Variants in GREB1 observed in about 807,000 individuals in gnomAD.
The protein encoded by GREB1 is protein GREB1.
Under a neutral mutation model 200.7 loss-of-function variants are expected in GREB1, and 106 were observed. The ratio of observed to expected loss-of-function variants is 0.53; its 90% CI spans 0.45 to 0.62. GREB1 has a LOEUF of 0.62. Ranked by LOEUF, GREB1 falls within the 20% of genes least tolerant of loss-of-function variation. The probability of loss-of-function intolerance (pLI) is 0.00; values close to 1 mark genes in which losing one functional copy is unlikely to be tolerated. For missense variants in GREB1, 2,243 were observed against 2,556.8 expected (o/e 0.88, Z 2.65); for synonymous variants, 1,132 against 1,092.4 (o/e 1.04, Z -0.72).
intron 11 of GREB1, among the ~76,000 whole-genome samples, chr2:11,594,916 G>A (rs1003644788): frequency 2.0e-5 from 3 of 151,478 alleles, no homozygotes; most frequent in South Asian, 4.2e-4. Context: ...GGATGGTCTC[G>A]ATCTCCTGAC....
chr2:11,570,159 A>G (rs1458315800), intron 4 of GREB1, among the ~76,000 whole-genome samples: 2 of 152,152 alleles, frequency 1.3e-5, no homozygotes, highest in African/African-American at 4.8e-5. Flanking sequence ...CTGTAATCCC[A>G]GTACTTTGGG....
intron 1 of GREB1, among the ~76,000 whole-genome samples, chr2:11,507,904 AT>A (rs1457294441): frequency 1.3e-5 from 2 of 152,210 alleles, no homozygotes; most frequent in African/African-American, 4.8e-5. Context: ...TTAACTGAGG[AT>A]TCTGGACCTT....
intron 11 of GREB1, among the ~76,000 whole-genome samples, chr2:11,594,911 G>T (rs537926065): frequency 5.9e-5 from 9 of 151,770 alleles, no homozygotes; most frequent in Admixed American, 5.2e-4. Flanking sequence ...AGCCAGGATG[G>T]TCTCGATCTC....
chr2:11,532,686 T>C (rs1418744748), upstream of GREB1, among the ~76,000 whole-genome samples: 1 of 152,164 alleles, frequency 6.6e-6, no homozygotes, highest in Non-Finnish European at 1.5e-5. Context: ...AGCAGCATGT[T>C]TGGGTCTGTG....
At chr2:11,632,271 C>G (rs749592569) in intron 27 of GREB1, among the ~76,000 whole-genome samples, 158 bp downstream of exon 27, 2 of 152,002 alleles carry the variant, frequency 1.3e-5, no homozygotes, top group Non-Finnish European at 2.9e-5. Context: ...TGCAGTCTTC[C>G]CCCGCTACCC....
chr2:11,609,291 G>C (rs1391337932), intron 17 of GREB1, among the ~76,000 whole-genome samples: 1 of 132,906 alleles, frequency 7.5e-6, no homozygotes, highest in African/African-American at 2.8e-5. Context: ...TAGAGATGGA[G>C]TCTCGCTCTG....
chr2:11,528,614 G>A (rs997370728), intron 1 of GREB1, among the ~76,000 whole-genome samples: 1 of 152,088 alleles, frequency 6.6e-6, no homozygotes, highest in Non-Finnish European at 1.5e-5. Context: ...CAACCCTCCT[G>A]CCTCAGCCTC....
chr2:11,590,907 G>A (rs931816556), intron 10 of GREB1, among the ~76,000 whole-genome samples: 4 of 152,224 alleles, frequency 2.6e-5, no homozygotes, highest in Non-Finnish European at 5.9e-5. Flanking sequence ...CTGTGCCAGT[G>A]TGGCCGGGAG....
At chr2:11,617,364 G>A (rs1006886950) in intron 21 of GREB1, among the ~76,000 whole-genome samples, 1 of 152,186 alleles carries the variant, frequency 6.6e-6, no homozygotes. Context: ...CTGTCTTTCC[G>A]CCAAAAGCAT....
At chr2:11,571,432 CT>C (rs1332005472) in intron 4 of GREB1, among the ~76,000 whole-genome samples, 8 of 152,230 alleles carry the variant, frequency 5.3e-5, no homozygotes, top group African/African-American at 1.9e-4. Context: ...CCAGTCCCAT[CT>C]TGGCAGAGAA....
intron 22 of GREB1, among the ~76,000 whole-genome samples, chr2:11,619,287 C>G (rs1441094935): frequency 6.6e-6 from 1 of 152,202 alleles, no homozygotes; most frequent in Non-Finnish European, 1.5e-5. Flanking sequence ...GAACGGAGAA[C>G]TAGGGGTTCT....
chr2:11,639,473 C>G (rs951697572), intron 32 of GREB1, among the ~76,000 whole-genome samples: 2 of 152,238 alleles, frequency 1.3e-5, no homozygotes, highest in African/African-American at 4.8e-5. Flanking sequence ...GAGTCTTTCT[C>G]CTCATCCTGG....
intron 1 of GREB1, among the ~76,000 whole-genome samples, chr2:11,526,650 G>A (rs991183987): frequency 2.6e-5 from 4 of 151,626 alleles, no homozygotes; most frequent in African/African-American, 9.7e-5. Flanking sequence ...CTGCCTCCCA[G>A]GTTCAAGTGA....
intron 30 of GREB1, 152 bp from the exon 31 acceptor site, chr2:11,637,564 A>T (rs3749065): frequency 0.15 from 96,411 of 634,408 alleles, 8,131 homozygotes; most frequent in Non-Finnish European, 0.18. Flanking sequence ...ATCTTTCTCA[A>T]TAGAGAAGTT....
chr2:11,596,360 G>T lies in GREB1; in HGVS notation c.1954+121G>T. 8 of 778,092 alleles carry T rather than the reference G, an allele frequency of 1.0e-5. 1 individual carries two copies. The highest frequency in any genetic ancestry group is 1.4e-5 in the Non-Finnish European group (7 of 490,638). The allele number at this position is 778,092 out of a possible 1,614,324, so 48.2% of individuals were successfully genotyped here. A position where few individuals can be genotyped will look rare whatever the true frequency, so the allele number is the denominator to read the frequency against. ...CATGGCGCAAGTGTGCACAGTGAGG[G>T]GGCAGGGGCACAGATGTGTATAGTG... is the stretch of plus-strand genomic sequence containing the variant. On this transcript the variant is annotated intron_variant, in intron 13 of 32. Transcript: ENST00000381486.
In GREB1 at chr2:11,580,892, G is replaced by A. The variant is rs1486648077; in HGVS notation, c.901+60G>A. ...TGCTCTTCTTTGGGCCAAGGCCAGAGGGGGCATGGGAGCTGCTGGGCTGGG... is the reference window on the plus strand; with the variant it reads ...TGCTCTTCTTTGGGCCAAGGCCAGAAGGGGCATGGGAGCTGCTGGGCTGGG... On this transcript the variant is annotated intron_variant, in intron 7 of 32. Coordinates refer to ENST00000381486, the MANE Select transcript of GREB1 (RefSeq NM_014668.4). This position sits in a 1 kb window ranked among gnomAD's most constrained non-coding sequence, Gnocchi z 4.5. 6.2e-7 allele frequency: 1 copy of A among 1,605,850 alleles called. No homozygotes were observed. The highest frequency in any genetic ancestry group is 2.2e-5 in the East Asian group (1 of 44,752).
At chr2:11,528,399 G>T (rs752352803) in intron 1 of GREB1, among the ~76,000 whole-genome samples, 1 of 152,174 alleles carries the variant, frequency 6.6e-6, no homozygotes, top group Admixed American at 6.5e-5. Context: ...TCTATTCCTT[G>T]TCTTTAAAAT....
chr2:11,570,215 C>G (rs1420571126), intron 4 of GREB1, among the ~76,000 whole-genome samples: 3 of 151,922 alleles, frequency 2.0e-5, no homozygotes, highest in African/African-American at 7.3e-5. Context: ...TTGAGACTAG[C>G]CTGGCCAGCG....
At position 11,632,924 on chromosome 2, in the gene GREB1, C is replaced by T. The variant is rs907334877; in HGVS notation, c.4852C>T (p.His1618Tyr). Reference protein sequence around the residue: ...AHFLIKELSYHNLELERNRQE... With the variant: ...AHFLIKELSYYNLELERNRQE... ...TTTCCTCATCAAGGAGCTGTCCTAC[C>T]ATAACCTGGAGCTCGAGCGGAACCG... The change falls in exon 28 of 33, where the codon CAT (histidine) becomes TAT (tyrosine). Residue 1618 changes from histidine (H) to tyrosine (Y), a missense_variant. This residue lies in a region of GREB1 where 478 missense variants were observed against 616.3 expected (regional missense o/e 0.78). Transcript: ENST00000381486. The T allele has an allele frequency of 3.1e-6, 5 of 1,614,010 alleles. No homozygotes were observed. The African/African-American group carries it at 6.7e-5, about 22-fold the overall frequency.
Sources: allele counts gnomAD v4.1 joint callset (sites outside exome capture counted in the v4.1 genomes callset), GRCh38; gene constraint gnomAD v4.1.1; regional missense constraint gnomAD v4.1.1; non-coding constraint Gnocchi (gnomAD v3.1); transcripts MANE v1.5; gene names NCBI Gene and HGNC (gene_info 2026-07-23, HGNC 2026-07-21).